The following IZUMO2 variants were observed in gnomAD, a reference collection of about 807,000 sequenced individuals.
The protein encoded by IZUMO2 is izumo sperm-egg fusion protein 2.
A neutral mutation model predicts 31.2 loss-of-function variants in IZUMO2; 24 were observed. The observed-to-expected ratio is 0.77, with a 90% CI of 0.56 to 1.08. The LOEUF (loss-of-function observed/expected upper bound fraction) is 1.08. Ranked by LOEUF, IZUMO2 falls within the 50% of genes least tolerant of loss-of-function variation. IZUMO2 has a pLI of 0.00. For synonymous variants in IZUMO2, 144 were observed against 117.3 expected (o/e 1.23, Z -1.47); for missense variants, 278 against 274.0 (o/e 1.01, Z -0.10).
chr19:50,152,587 T>C lies in IZUMO2; in HGVS notation c.*22A>G, dbSNP rs1281018805. On this transcript the variant is annotated 3_prime_UTR_variant, in exon 7 of 7. Coordinates refer to ENST00000293405, the MANE Select transcript of IZUMO2 (RefSeq NM_152358.3). The stretch of plus-strand genomic sequence containing the variant: ...ATTTTATTAAATTTATTTTCCTTTC[T>C]CCTTACCCCCAAACCACCGTCCTAC... 3.1e-6 allele frequency: 5 copies of C among 1,604,942 alleles called. No individual in the cohort carries two copies. In the African/African-American group the frequency reaches 6.7e-5, roughly 21 times the overall value.
At chr19:50,158,140 C>G (rs753103377) in intron 5 of IZUMO2, 128 bp downstream of exon 5, 3 of 525,350 alleles carry the variant, frequency 5.7e-6, no homozygotes, top group Non-Finnish European at 6.8e-6. Flanking sequence ...GGGCCACACT[C>G]TAAGCAAATG....
intron 3 of IZUMO2, 28 bp downstream of exon 3, chr19:50,159,466 A>G: frequency 6.7e-7 from 1 of 1,498,044 alleles, no homozygotes; most frequent in Non-Finnish European, 9.3e-7. Flanking sequence ...AGAAGAGGAG[A>G]GGGGATTGGT....
intron 3 of IZUMO2, 41 bp from the exon 4 acceptor site, chr19:50,159,291 C>T: frequency 6.2e-7 from 1 of 1,602,600 alleles, no homozygotes; most frequent in Non-Finnish European, 8.5e-7. Flanking sequence ...ATTGGGATGG[C>T]AACTTGATAA....
chr19:50,159,421 G>C (rs904624341), intron 3 of IZUMO2, 73 bp downstream of exon 3: 60 of 1,298,262 alleles, frequency 4.6e-5, no homozygotes, highest in Non-Finnish European at 4.5e-5. Flanking sequence ...GAGTTTGGGA[G>C]AAAAAGTGGT....
chr19:50,158,357 G>C lies in IZUMO2; in HGVS notation c.416-9C>G, dbSNP rs1334048624. 6.3e-7 allele frequency: 1 copy of C among 1,590,958 alleles called. No individual in the cohort carries two copies. The highest frequency in any genetic ancestry group is 2.3e-5 in the East Asian group (1 of 44,196). On this transcript the variant is annotated splice_polypyrimidine_tract_variant and intron_variant, in intron 4 of 6. Transcript: ENST00000293405. ...CTCTTCTTTTAGCAAGCCTAGGCAAGGGGAAAGGGAGAAGTAAGACAAGGG... is the reference window on the plus strand; with the variant it reads ...CTCTTCTTTTAGCAAGCCTAGGCAACGGGAAAGGGAGAAGTAAGACAAGGG...
At position 50,163,186 on chromosome 19, in the gene IZUMO2, C is replaced by G; in HGVS notation, c.9G>C (p.Leu3=). The G allele has an allele frequency of 6.5e-7, 1 of 1,549,708 alleles. No individual in the cohort carries two copies. The highest frequency in any genetic ancestry group is 2.4e-5 in the East Asian group (1 of 40,982). Residue 3 remains leucine (L), a synonymous_variant, in exon 1 of 7, where the codon CTG becomes CTC. Coordinates refer to ENST00000293405, the MANE Select transcript of IZUMO2 (RefSeq NM_152358.3). MP[L]ALTLLLLSGL... ...CCGAGAGCAGCAGAAGGGTCAAAGC[C>G]AGAGGCATGGCGGGGCCTTTGTGAC...
rs561337268 is a variant in IZUMO2 at position 50,152,622 on chromosome 19, A to T, written c.653T>A (p.Leu218His). Reference protein sequence around the residue: ...SACTYRQNRKLLLQ With the variant: ...SACTYRQNRKHLLQ The stretch of plus-strand genomic sequence containing the variant: ...CAAACCACCGTCCTACTGCAGCAGG[A>T]GTTTTCGGTTTTGTCTGTATGTACA... The change falls in exon 7 of 7, where the codon CTC becomes CAC. Residue 218 changes from leucine to histidine, a missense_variant. Leu to His is a moderately conservative substitution (Grantham distance 99). Transcript: ENST00000293405. 3 of 1,613,578 alleles carry T rather than the reference A, an allele frequency of 1.9e-6. No individual in the cohort carries two copies. Among genetic ancestry groups the T allele is most frequent in the Non-Finnish European group, 2.5e-6 (3 of 1,179,560 alleles).
chr19:50,161,122 T>TTTTC (rs1188048054), intron 2 of IZUMO2, among the ~76,000 whole-genome samples: 1 of 147,272 alleles, frequency 6.8e-6, no homozygotes, highest in African/African-American at 2.5e-5. Context: ...TTCTTTTCCT[T>TTTTC]TTTCTTTTTT....
At chr19:50,159,281 A>AT in intron 3 of IZUMO2, 31 bp from the exon 4 acceptor site, 1 of 1,608,252 alleles carries the variant, frequency 6.2e-7, no homozygotes, top group South Asian at 1.1e-5. Context: ...GGTGAGTTAA[A>AT]TTGGGATGGC....
chr19:50,159,485 A>G lies in IZUMO2; in HGVS notation c.394+9T>C. Reference sequence around the variant, plus strand: ...GAGGAGAGGGGATTGGTGGAGAGATATGCTGCACCTTTTAATTCATATGAA... The same window carrying G: ...GAGGAGAGGGGATTGGTGGAGAGATGTGCTGCACCTTTTAATTCATATGAA... On this transcript the variant is annotated intron_variant, in intron 3 of 6. Coordinates refer to ENST00000293405, the MANE Select transcript of IZUMO2 (RefSeq NM_152358.3). 6.3e-7 allele frequency: 1 copy of G among 1,585,366 alleles called. No homozygotes were observed. The highest frequency in any genetic ancestry group is 8.7e-7 in the Non-Finnish European group (1 of 1,154,006).
chr19:50,154,502 A>C, intron 6 of IZUMO2, 98 bp downstream of exon 6: 1 of 1,180,272 alleles, frequency 8.5e-7, no homozygotes, highest in Non-Finnish European at 1.2e-6. Flanking sequence ...TGAAGAGGAG[A>C]CTCCCAAAGT....
At chr19:50,155,550 T>C (rs1370627395) in intron 5 of IZUMO2, among the ~76,000 whole-genome samples, 2 of 152,218 alleles carry the variant, frequency 1.3e-5, no homozygotes, top group African/African-American at 4.8e-5. Flanking sequence ...GTCTTCCACT[T>C]GCCTCCCACC....
intron 6 of IZUMO2, among the ~76,000 whole-genome samples, chr19:50,154,231 C>CA (rs2030126564): frequency 7.5e-6 from 1 of 133,078 alleles, no homozygotes; most frequent in South Asian, 2.6e-4. Flanking sequence ...ATTTGTCTTT[C>CA]TACCAATGCA....
Position 50,163,265 on chromosome 19 carries a change from G to T in IZUMO2, c.-71C>A. 2 of 1,134,596 alleles carry T rather than the reference G, an allele frequency of 1.8e-6. No individual in the cohort carries two copies. Among genetic ancestry groups the T allele is most frequent in the Non-Finnish European group, 1.3e-6 (1 of 784,998 alleles). The allele number at this position is 1,134,596 out of a possible 1,614,324, so 70.3% of individuals were successfully genotyped here. On this transcript the variant is annotated 5_prime_UTR_variant, in exon 1 of 7. Coordinates refer to ENST00000293405, the MANE Select transcript of IZUMO2 (RefSeq NM_152358.3). Reference sequence around the variant, plus strand: ...CTCCCAGGCGAGGGCGCGGTCAGGAGGCCCAGGGAGCATCACGGTGTTACA... The same window carrying T: ...CTCCCAGGCGAGGGCGCGGTCAGGATGCCCAGGGAGCATCACGGTGTTACA...
rs760645582 is a variant in IZUMO2, at chr19:50,162,789, G to A, written c.257C>T (p.Ala86Val). ...KVETNQLDLV[A>V]SFVKNQTQHL... ...CTGCGTTTGGTTCTTGACAAAGGAC[G>A]CCACAAGGTCCAGTTGATTTGTCTC... The change falls in exon 2 of 7, where the codon GCG (alanine) becomes GTG (valine). Residue 86 changes from alanine (A) to valine (V), a missense_variant. Transcript: ENST00000293405. The A allele has an allele frequency of 3.7e-6, 6 of 1,613,870 alleles. No individual in the cohort carries two copies. The South Asian group carries it at 6.6e-5, about 18-fold the overall frequency.
chr19:50,163,212 G>T lies in IZUMO2; in HGVS notation c.-18C>A. 1 of 1,535,394 alleles carries T rather than the reference G, an allele frequency of 6.5e-7. No homozygotes were observed. Among genetic ancestry groups the T allele is most frequent in the Non-Finnish European group, 8.8e-7 (1 of 1,136,954 alleles). On this transcript the variant is annotated 5_prime_UTR_variant, in exon 1 of 7. Transcript: ENST00000293405. ...AGAGGCATGGCGGGGCCTTTGTGAC[G>T]TCACAGAGAGAACCCGGCCCGCCCC...
intron 6 of IZUMO2, chr19:50,153,857 C>A (rs2030111443): frequency 6.6e-6 from 1 of 151,526 alleles, no homozygotes; most frequent in African/African-American, 2.4e-5. Context: ...ATCACCACCC[C>A]CGCCAGTGGG....
chr19:50,158,254 C>A lies in IZUMO2; in HGVS notation c.496+14G>T, dbSNP rs1028426724. 1 of 1,581,122 alleles carries A rather than the reference C, an allele frequency of 6.3e-7. No individual in the cohort carries two copies. Among genetic ancestry groups the A allele is most frequent in the African/African-American group, 1.4e-5 (1 of 74,030 alleles). On this transcript the variant is annotated intron_variant, in intron 5 of 6. Coordinates refer to ENST00000293405, the MANE Select transcript of IZUMO2 (RefSeq NM_152358.3). ...ACGCCTGTCCCATGTCTTCCCCCAC[C>A]CCCAGAAGCTTACCAAAGCAGTACT...
chr19:50,153,466 G>C (rs924232586), intron 6 of IZUMO2, among the ~76,000 whole-genome samples: 1 of 152,186 alleles, frequency 6.6e-6, no homozygotes, highest in Non-Finnish European at 1.5e-5. Context: ...CACAGTGAGA[G>C]GTAGCCTGCA....
Sources: gnomAD v4.1 joint callset for allele counts (sites outside exome capture counted in the v4.1 genomes callset) on GRCh38, gnomAD v4.1.1 for gene constraint, MANE v1.5 for transcripts, NCBI Gene and HGNC (gene_info 2026-07-23, HGNC 2026-07-21) for gene names.